The following PICK1 variants were observed in gnomAD, a reference collection of about 807,000 sequenced individuals.
PICK1 encodes PRKCA-binding protein.
In PICK1, 23 loss-of-function variants were observed where a neutral mutation model predicts 48.9. The observed-to-expected ratio is 0.47, with a 90% CI of 0.34 to 0.67. PICK1 has a LOEUF of 0.67. Ranked by LOEUF, PICK1 falls within the 30% of genes least tolerant of loss-of-function variation. The pLI is 0.01. For synonymous variants in PICK1, 217 were observed against 228.2 expected, an observed-to-expected ratio of 0.95 and a Z score of 0.44; for missense variants, 423 against 557.1, an observed-to-expected ratio of 0.76 and a Z score of 2.42.
At position 38,074,284 on chromosome 22, in the gene PICK1, C is replaced by T. The variant is rs766996700; in HGVS notation, c.835-23C>T. ...GTGCGAGGCCGTCCCTGAGCAGGCA[C>T]TCCTGTCCCACCCCCGCCCCAGGCC... On this transcript the variant is annotated intron_variant, in intron 11 of 12. Transcript: ENST00000356976. This position sits in a 1 kb window ranked among gnomAD's most constrained non-coding sequence, Gnocchi z 4.5. 6.2e-7 allele frequency: 1 copy of T among 1,612,096 alleles called. No individual in the cohort carries two copies. Among genetic ancestry groups the T allele is most frequent in the South Asian group, 1.1e-5 (1 of 91,056 alleles).
chr22:38,060,592 TGAGCCATTCGGCCTCCTGTGACCCAG>T (rs945464148), intron 3 of PICK1, among the ~76,000 whole-genome samples: 5 of 152,110 alleles, frequency 3.3e-5, no homozygotes, highest in Non-Finnish European at 7.4e-5. Context: ...GCCTCCTTCA[TGAGCCATTCGGCCTCCTGTGACCCAG>T]GAGGCATTAG....
At position 38,074,012 on chromosome 22, in the gene PICK1, T is replaced by C; in HGVS notation, c.834+189T>C. 2 of 657,796 alleles carry C rather than the reference T, an allele frequency of 3.0e-6. No individual in the cohort carries two copies. The highest frequency in any genetic ancestry group is 5.3e-6 in the Non-Finnish European group (2 of 375,828). 40.7% of individuals were successfully genotyped at this position (657,796 alleles called of 1,614,324 possible). On this transcript the variant is annotated intron_variant, in intron 11 of 12. Transcript: ENST00000356976. This position sits in a 1 kb window ranked among gnomAD's most constrained non-coding sequence, Gnocchi z 4.5. ...TGCTGGGCACCCGGCCGGGAACCACTCCCTCAGTCTGGGGGACTCTTGGAG... is the reference window on the plus strand; with the variant it reads ...TGCTGGGCACCCGGCCGGGAACCACCCCCTCAGTCTGGGGGACTCTTGGAG...
At position 38,073,627 on chromosome 22, in the gene PICK1, C is replaced by T; in HGVS notation, c.784-146C>T. 1.3e-6 allele frequency: 1 copy of T among 775,720 alleles called. No individual in the cohort carries two copies. The highest frequency in any genetic ancestry group is 2.3e-6 in the Non-Finnish European group (1 of 434,584). 48.1% of individuals were successfully genotyped at this position (775,720 alleles called of 1,614,324 possible). A position where few individuals can be genotyped will look rare whatever the true frequency, so the allele number is the denominator to read the frequency against. ...CGGCCGCCTAAGCCTCAGGCCCTGT[C>T]ATCCCTCAGCACCTGCCGCTGCCCG... On this transcript the variant is annotated intron_variant, in intron 10 of 12. Coordinates refer to ENST00000356976, the MANE Select transcript of PICK1 (RefSeq NM_012407.4). This position sits in a 1 kb window ranked among gnomAD's most constrained non-coding sequence, Gnocchi z 5.7.
At chr22:38,064,139 C>A (rs1318148076) in intron 3 of PICK1, among the ~76,000 whole-genome samples, 1 of 152,026 alleles carries the variant, frequency 6.6e-6, no homozygotes, top group Non-Finnish European at 1.5e-5. Flanking sequence ...CTTACTACAA[C>A]CTCCACTTCC....
At chr22:38,064,694 G>T (rs916796296) in intron 3 of PICK1, among the ~76,000 whole-genome samples, 4 of 152,178 alleles carry the variant, frequency 2.6e-5, no homozygotes, top group Non-Finnish European at 5.9e-5. Context: ...CCGGGAGGCG[G>T]AGGTTGCGGT....
In PICK1 at chr22:38,075,026, GGGAGGAGGA is replaced by G. The variant is rs761247405; in HGVS notation, c.1155_1163del (p.Glu386_Glu388del). 3.7e-6 allele frequency: 6 copies of G among 1,612,770 alleles called. No individual in the cohort carries two copies. The highest frequency in any genetic ancestry group is 2.2e-5 in the East Asian group (1 of 44,780). ...CTCAACCAGGAGGAGTTCACAGATGGGGAGGAGGAGGAGGAGGAGGAAGACACGGCAGCT... is the reference window on the plus strand; with the variant it reads ...CTCAACCAGGAGGAGTTCACAGATGGGGAGGAGGAGGAAGACACGGCAGCT... On this transcript the variant is annotated inframe_deletion, in exon 13 of 13. Coordinates refer to ENST00000356976, the MANE Select transcript of PICK1 (RefSeq NM_012407.4).
chr22:38,071,546 G>A (rs760230648), intron 7 of PICK1, 136 bp from the exon 8 acceptor site: 11 of 820,850 alleles, frequency 1.3e-5, no homozygotes, highest in Non-Finnish European at 2.1e-5. Context: ...CTGGGCTGTG[G>A]TTGGGCGGTG....
rs535446008 is a variant in PICK1, at chr22:38,059,862, A to G, written c.153+517A>G. Among the ~76,000 whole-genome samples the G allele has an allele frequency of 4.1e-3, 626 of 152,326 alleles. 6 individuals carry two copies. The highest frequency in any genetic ancestry group is 0.017 in the Middle Eastern group (5 of 294). ...GCGGGGATTTAAAACATGTAGACACAATCATCTCTGGGTTCTTGTGAGAAG... is the reference window on the plus strand; with the variant it reads ...GCGGGGATTTAAAACATGTAGACACGATCATCTCTGGGTTCTTGTGAGAAG... On this transcript the variant is annotated intron_variant, in intron 3 of 12. Coordinates refer to ENST00000356976, the MANE Select transcript of PICK1 (RefSeq NM_012407.4).
At chr22:38,070,959 A>T in intron 7 of PICK1, 68 bp downstream of exon 7, 1 of 1,297,830 alleles carries the variant, frequency 7.7e-7, no homozygotes, top group Non-Finnish European at 1.1e-6. Context: ...GCAGAGTGGC[A>T]ACAGGGGTGC....
Position 38,072,595 on chromosome 22 carries a change from GA to G in PICK1, c.679del (p.Thr227ProfsTer6). The G allele has an allele frequency of 6.2e-7, 1 of 1,613,232 alleles. No individual in the cohort carries two copies. The highest frequency in any genetic ancestry group is 8.5e-7 in the Non-Finnish European group (1 of 1,180,034). The part of the protein sequence containing the change: ...SIEKFGIRLL[K>X]TIKPMLTDLN... ...TCGAGAAGTTCGGCATTCGGCTTCT[GA>G]AAACCATCAAGCCGGTAGGTCCTAT... is the stretch of plus-strand genomic sequence containing the variant. On this transcript the variant is annotated frameshift_variant, in exon 9 of 13. Transcript: ENST00000356976. LOFTEE classifies it high-confidence loss of function.
intron 5 of PICK1, chr22:38,068,009 C>G (rs1274627632): frequency 1.6e-6 from 1 of 630,882 alleles, no homozygotes; most frequent in African/African-American, 1.8e-5. Context: ...CGCGTTTCAC[C>G]CCTACCTCCC....
Position 38,057,744 on chromosome 22 carries a change from C to G in PICK1, c.-57-9C>G. 2 of 1,438,118 alleles carry G rather than the reference C, an allele frequency of 1.4e-6. No individual in the cohort carries two copies. Among genetic ancestry groups the G allele is most frequent in the Non-Finnish European group, 2.0e-6 (2 of 1,019,842 alleles). 89.1% of individuals were successfully genotyped at this position (1,438,118 alleles called of 1,614,324 possible). On this transcript the variant is annotated splice_polypyrimidine_tract_variant and intron_variant, in intron 1 of 12. Coordinates refer to ENST00000356976, the MANE Select transcript of PICK1 (RefSeq NM_012407.4). ...TTAAATCCTATGCTCCTTTCTCTCC[C>G]GGATCCAGTTCCCCATTCCCCTACC...
intron 4 of PICK1, 200 bp downstream of exon 4, chr22:38,065,330 G>C (rs2085499855): frequency 1.7e-6 from 1 of 582,838 alleles, no homozygotes; most frequent in Non-Finnish European, 3.2e-6. Flanking sequence ...CGTGCTCCAG[G>C]ACTTGTGCTG....
Position 38,059,266 on chromosome 22 carries a change from T to C in PICK1, c.74T>C (p.Leu25Pro). ...CCGACTGTGCCTGGGAAGGTGACCC[T>C]GCAGAAGGATGCTCAGAACCTGATC... ...GIPTVPGKVT[L>P]QKDAQNLIGI... Residue 25 changes from leucine to proline, a missense_variant, in exon 3 of 13, where the codon CTG becomes CCG. Physicochemically the swap from Leu to Pro is moderately conservative, Grantham distance 98. This residue lies in a region of PICK1 where 279 missense variants were observed against 417.8 expected (regional missense o/e 0.67). Coordinates refer to ENST00000356976, the MANE Select transcript of PICK1 (RefSeq NM_012407.4). 1 of 1,584,808 alleles carries C rather than the reference T, an allele frequency of 6.3e-7. No homozygotes were observed. Among genetic ancestry groups the C allele is most frequent in the Non-Finnish European group, 8.6e-7 (1 of 1,164,872 alleles).
chr22:38,075,049 G>C lies in PICK1; in HGVS notation c.1165G>C (p.Asp389His), dbSNP rs547766954. Residue 389 changes from aspartate to histidine, a missense_variant, in exon 13 of 13, where the codon GAC becomes CAC. Coordinates refer to ENST00000356976, the MANE Select transcript of PICK1 (RefSeq NM_012407.4). ...TDGEEEEEEEDTAAGEPSRDT... is the reference protein window; with the variant it reads ...TDGEEEEEEEHTAAGEPSRDT... ...TGGGGAGGAGGAGGAGGAGGAGGAA[G>C]ACACGGCAGCTGGGGAGCCGTCCAG... is the stretch of plus-strand genomic sequence containing the variant. 6.2e-7 allele frequency: 1 copy of C among 1,613,272 alleles called. No individual in the cohort carries two copies. Among genetic ancestry groups the C allele is most frequent in the South Asian group, 1.1e-5 (1 of 91,084 alleles).
intron 3 of PICK1, among the ~76,000 whole-genome samples, chr22:38,060,968 C>T (rs2413494): frequency 7.2e-5 from 11 of 151,930 alleles, no homozygotes; most frequent in South Asian, 2.1e-4. Context: ...GGCCTGGTCT[C>T]GAACTCCTGG....
chr22:38,071,273 G>A, intron 7 of PICK1, among the ~76,000 whole-genome samples: 1 of 152,172 alleles, frequency 6.6e-6, no homozygotes. Context: ...GAACCAGGGA[G>A]GCAGAGGTTG....
chr22:38,073,901 C>A lies in PICK1; in HGVS notation c.834+78C>A. 7.4e-7 allele frequency: 1 copy of A among 1,347,296 alleles called. No individual in the cohort carries two copies. The highest frequency in any genetic ancestry group is 1.1e-6 in the Non-Finnish European group (1 of 938,514). The allele number at this position is 1,347,296 out of a possible 1,614,324, so 83.5% of individuals were successfully genotyped here. A position where few individuals can be genotyped will look rare whatever the true frequency, so the allele number is the denominator to read the frequency against. On this transcript the variant is annotated intron_variant, in intron 11 of 12. Transcript: ENST00000356976. The surrounding 1 kb of genome is among the most constrained non-coding windows in gnomAD (Gnocchi z 5.7). ...GGGATAGCAGGTGGCTCAGGCCAAC[C>A]CGGGAGAGACCGGGGGGACTTGGCT...
intron 3 of PICK1, among the ~76,000 whole-genome samples, chr22:38,063,643 T>C (rs1046610289): frequency 7.7e-6 from 1 of 130,300 alleles, no homozygotes; most frequent in African/African-American, 3.5e-5. Flanking sequence ...TTCTCTGTTC[T>C]TTTTTTTTTT....
Sources: gnomAD v4.1 joint callset for allele counts (sites outside exome capture counted in the v4.1 genomes callset) on GRCh38, gnomAD v4.1.1 for gene constraint, gnomAD v4.1.1 regional missense constraint, Gnocchi (gnomAD v3.1) non-coding constraint, MANE v1.5 for transcripts, NCBI Gene and HGNC (gene_info 2026-07-23, HGNC 2026-07-21) for gene names.